Variants in MPHOSPH6 observed in about 807,000 individuals in gnomAD.
MPHOSPH6 encodes M-phase phosphoprotein 6.
MPHOSPH6 carries 25 observed loss-of-function variants against 21.8 expected under a neutral mutation model. That is an observed-to-expected ratio of 1.15 (90% confidence interval 0.83 to 1.60). The LOEUF is 1.60. MPHOSPH6 is among the 40% of genes most tolerant of loss of function. MPHOSPH6 has a pLI of 0.00. For missense variants in MPHOSPH6, 269 were observed against 181.8 expected (o/e 1.48, Z -2.76); for synonymous variants, 84 against 56.5 (o/e 1.49, Z -2.18).
intron 2 of MPHOSPH6, among the ~76,000 whole-genome samples, chr16:82,153,437 T>G (rs372581312): frequency 6.6e-6 from 1 of 152,214 alleles, no homozygotes; most frequent in Admixed American, 6.5e-5. Context: ...GCTTTCTGCC[T>G]GGAGGCAATT....
chr16:82,165,875 C>A (rs921647158), intron 1 of MPHOSPH6, among the ~76,000 whole-genome samples: 2 of 152,188 alleles, frequency 1.3e-5, no homozygotes, highest in African/African-American at 4.8e-5. Context: ...GTTGTTAAAT[C>A]ATGTGTTAAG....
chr16:82,165,121 A>ATTTTTTTTTTTTTT (rs945085704), intron 1 of MPHOSPH6, among the ~76,000 whole-genome samples: 2 of 48,626 alleles, frequency 4.1e-5, no homozygotes, highest in Non-Finnish European at 4.4e-5. Flanking sequence ...TTTCTTTTTT[A>ATTTTTTTTTTTTTT]TTTTTTTTTT....
intron 2 of MPHOSPH6, among the ~76,000 whole-genome samples, chr16:82,158,752 C>G (rs895204482): frequency 1.3e-5 from 2 of 152,166 alleles, no homozygotes; most frequent in Non-Finnish European, 2.9e-5. Context: ...AGTTAGAATT[C>G]CGAATAGCTT....
At chr16:82,169,998 G>T in intron 1 of MPHOSPH6, 127 bp downstream of exon 1, 1 of 1,069,428 alleles carries the variant, frequency 9.4e-7, no homozygotes, top group Non-Finnish European at 1.3e-6. Flanking sequence ...GAATGAATGA[G>T]CACGAGAGCT....
chr16:82,149,514 G>C (rs1178299223), intron 3 of MPHOSPH6, 111 bp from the exon 4 acceptor site: 3 of 880,464 alleles, frequency 3.4e-6, no homozygotes, highest in Non-Finnish European at 5.6e-6. Context: ...TAGAGAACTA[G>C]TCAAAATTGA....
At chr16:82,152,676 T>C (rs1315265455) in intron 2 of MPHOSPH6, among the ~76,000 whole-genome samples, 2 of 152,304 alleles carry the variant, frequency 1.3e-5, no homozygotes, top group African/African-American at 4.8e-5. Flanking sequence ...CTGACGGGGC[T>C]GAGCACGACA....
chr16:82,160,417 T>G (rs1419747538), intron 2 of MPHOSPH6, among the ~76,000 whole-genome samples: 1 of 152,160 alleles, frequency 6.6e-6, no homozygotes, highest in Non-Finnish European at 1.5e-5. Context: ...TCTCAGTGGG[T>G]CTCACATTCC....
At chr16:82,166,602 T>C (rs540316908) in intron 1 of MPHOSPH6, among the ~76,000 whole-genome samples, 1 of 152,206 alleles carries the variant, frequency 6.6e-6, no homozygotes, top group South Asian at 2.1e-4. Context: ...TTGTTCATCT[T>C]GTATCATTGG....
chr16:82,157,483 G>A (rs1324118792), intron 2 of MPHOSPH6, among the ~76,000 whole-genome samples: 2 of 152,248 alleles, frequency 1.3e-5, no homozygotes, highest in South Asian at 2.1e-4. Flanking sequence ...CAGAGCAGGA[G>A]TGAGACTGAC....
intron 3 of MPHOSPH6, among the ~76,000 whole-genome samples, 166 bp from the exon 4 acceptor site, chr16:82,149,569 A>T (rs1288696368): frequency 6.6e-6 from 1 of 152,246 alleles, no homozygotes; most frequent in Non-Finnish European, 1.5e-5. Flanking sequence ...GTGTAAGAGA[A>T]GTAAGCTCTG....
At chr16:82,160,420 C>G (rs537442174) in intron 2 of MPHOSPH6, among the ~76,000 whole-genome samples, 1 of 152,196 alleles carries the variant, frequency 6.6e-6, no homozygotes, top group South Asian at 2.1e-4. Flanking sequence ...CAGTGGGTCT[C>G]ACATTCCTGC....
In MPHOSPH6 at chr16:82,159,554, G is replaced by A. The variant is rs191940059; in HGVS notation, c.164+4528C>T. On this transcript the variant is annotated intron_variant, in intron 2 of 4. Coordinates refer to ENST00000258169, the MANE Select transcript of MPHOSPH6 (RefSeq NM_005792.2). ...TGAGAAGCTGGGACTACAGGCACAC[G>A]CCATCATGCCTGGCTAATTTTTTTT... Among the ~76,000 whole-genome samples, 462 of 152,136 alleles carry A rather than the reference G, an allele frequency of 3.0e-3. 2 individuals carry two copies. The highest frequency in any genetic ancestry group is 0.011 in the African/African-American group (440 of 41,486).
intron 2 of MPHOSPH6, among the ~76,000 whole-genome samples, chr16:82,152,727 G>C (rs139143323): frequency 1.2e-4 from 18 of 152,194 alleles, no homozygotes; most frequent in Non-Finnish European, 2.1e-4. Flanking sequence ...CCTGGACCAG[G>C]ATGTTTCTGT....
At chr16:82,154,073 G>C (rs1906352650) in intron 2 of MPHOSPH6, among the ~76,000 whole-genome samples, 1 of 152,136 alleles carries the variant, frequency 6.6e-6, no homozygotes, top group East Asian at 1.9e-4. Flanking sequence ...AGGTTTCAGA[G>C]ATGAAAACCT....
Position 82,151,474 on chromosome 16 carries a change from C to G in MPHOSPH6, c.205G>C (p.Asp69His). ...AATGACATTCTTCCATAGAGAAGAT[C>G]TTCACATAGTAAGAAACTCTGCTCT... The part of the protein sequence containing the change: ...IEEQSFLLCE[D>H]LLYGRMSFRG... The change falls in exon 3 of 5, where the codon GAT becomes CAT. Residue 69 changes from aspartate (D) to histidine (H), a missense_variant. Transcript: ENST00000258169. 2.5e-6 allele frequency: 4 copies of G among 1,605,946 alleles called. No individual in the cohort carries two copies. Among genetic ancestry groups the G allele is most frequent in the Non-Finnish European group, 3.4e-6 (4 of 1,176,684 alleles).
At chr16:82,165,516 G>GA (rs1906745491) in intron 1 of MPHOSPH6, among the ~76,000 whole-genome samples, 1 of 152,074 alleles carries the variant, frequency 6.6e-6, no homozygotes, top group South Asian at 2.1e-4. Flanking sequence ...TAAGTTAAAT[G>GA]AAAAAACCTT....
chr16:82,165,949 T>C (rs540634313), intron 1 of MPHOSPH6, among the ~76,000 whole-genome samples: 11 of 152,328 alleles, frequency 7.2e-5, no homozygotes, highest in Admixed American at 5.9e-4. Flanking sequence ...CACTCAAACA[T>C]AGCTGGTGGG....
intron 1 of MPHOSPH6, among the ~76,000 whole-genome samples, chr16:82,166,479 T>A (rs1007014468): frequency 3.9e-5 from 6 of 152,256 alleles, no homozygotes; most frequent in African/African-American, 1.4e-4. Flanking sequence ...TTCCTAGGTC[T>A]GCTCCTATAA....
chr16:82,168,266 C>G (rs938121229), intron 1 of MPHOSPH6, among the ~76,000 whole-genome samples: 1 of 152,120 alleles, frequency 6.6e-6, no homozygotes, highest in Non-Finnish European at 1.5e-5. Flanking sequence ...CCAATTCACT[C>G]CACTTCTCTG....
Sources: allele counts gnomAD v4.1 joint callset (sites outside exome capture counted in the v4.1 genomes callset), GRCh38; gene constraint gnomAD v4.1.1; transcripts MANE v1.5; gene names NCBI Gene and HGNC (gene_info 2026-07-23, HGNC 2026-07-21).